Variants in MORC1 observed in about 807,000 individuals in gnomAD.
MORC1 encodes MORC family CW-type zinc finger protein 1.
Under a neutral mutation model 134.9 loss-of-function variants are expected in MORC1, and 59 were observed. The observed-to-expected ratio is 0.44, with a 90% confidence interval of 0.35 to 0.54. The LOEUF (loss-of-function observed/expected upper bound fraction) is 0.54, where lower values mean the gene tolerates loss of function less well. Among genes scored for constraint, MORC1 ranks in the 20% least tolerant of loss-of-function variants. MORC1 has a pLI of 0.00. For missense variants in MORC1, 947 were observed against 1,134.5 expected (o/e 0.83, Z 2.37); for synonymous variants, 395 against 391.7 (o/e 1.01, Z -0.10).
At chr3:109,060,324 T>C (rs527538387) in intron 11 of MORC1, among the ~76,000 whole-genome samples, 1 of 152,000 alleles carries the variant, frequency 6.6e-6, no homozygotes, top group Non-Finnish European at 1.5e-5. Flanking sequence ...CTCCTTCATA[T>C]CGAATTCTGG....
rs546210454 is a variant in MORC1 at position 109,095,075 on chromosome 3, A to T, written c.424-7T>A. The T allele has an allele frequency of 9.7e-6, 15 of 1,550,428 alleles. 1 individual carries two copies. Among genetic ancestry groups the T allele is most frequent in the South Asian group, 6.4e-5 (5 of 78,334 alleles). ...AGGGCATTGGAACTACAACCTATTT[A>T]AAAAAAAACACATCAATTTACTATG... is the stretch of plus-strand genomic sequence containing the variant. On this transcript the variant is annotated splice_region_variant and splice_polypyrimidine_tract_variant and intron_variant, in intron 6 of 27. Coordinates refer to ENST00000232603, the MANE Select transcript of MORC1 (RefSeq NM_014429.4).
At chr3:109,103,477 C>T (rs1484613052) in intron 4 of MORC1, among the ~76,000 whole-genome samples, 1 of 152,194 alleles carries the variant, frequency 6.6e-6, no homozygotes, top group African/African-American at 2.4e-5. Context: ...AGCCTACAGG[C>T]ACAGGAAACT....
At chr3:109,071,472 G>A (rs1226288531) in intron 8 of MORC1, among the ~76,000 whole-genome samples, 1 of 152,078 alleles carries the variant, frequency 6.6e-6, no homozygotes, top group Non-Finnish European at 1.5e-5. Flanking sequence ...CCCTATGTTA[G>A]GAGATTCACT....
intron 17 of MORC1, among the ~76,000 whole-genome samples, chr3:109,017,530 T>C (rs545145482): frequency 1.3e-5 from 2 of 152,338 alleles, no homozygotes; most frequent in South Asian, 2.1e-4. Context: ...TTTCCACTAA[T>C]AGATACATTT....
At chr3:109,067,615 C>G (rs769836442) in intron 9 of MORC1, among the ~76,000 whole-genome samples, 2 of 152,058 alleles carry the variant, frequency 1.3e-5, no homozygotes, top group Non-Finnish European at 2.9e-5. Flanking sequence ...GTGAAAAGAT[C>G]GGCTATATTG....
intron 8 of MORC1, among the ~76,000 whole-genome samples, chr3:109,078,069 T>C (rs1950456358): frequency 6.6e-6 from 1 of 151,944 alleles, no homozygotes; most frequent in African/African-American, 2.4e-5. Flanking sequence ...ATCTAATGAC[T>C]CAGACAAATA....
chr3:109,003,262 C>CATACAT (rs1553746786), intron 20 of MORC1, among the ~76,000 whole-genome samples: 3 of 149,540 alleles, frequency 2.0e-5, no homozygotes, highest in African/African-American at 7.4e-5. Context: ...TAAAATTATA[C>CATACAT]ATATATATAT....
intron 14 of MORC1, among the ~76,000 whole-genome samples, chr3:109,038,283 TG>T (rs1006677499): frequency 2.6e-4 from 19 of 73,302 alleles, no homozygotes; most frequent in African/African-American, 4.5e-4. Context: ...CACTTGTTGA[TG>T]GGGTTTTTTT....
intron 14 of MORC1, among the ~76,000 whole-genome samples, chr3:109,043,469 A>T (rs1949609461): frequency 6.6e-6 from 1 of 152,136 alleles, no homozygotes; most frequent in Admixed American, 6.5e-5. Flanking sequence ...AGATGAAAAG[A>T]GTTTTAGAGA....
At chr3:109,077,211 G>A (rs1366376502) in intron 8 of MORC1, among the ~76,000 whole-genome samples, 1 of 152,078 alleles carries the variant, frequency 6.6e-6, no homozygotes, top group Non-Finnish European at 1.5e-5. Context: ...GAGATACAAA[G>A]CTTCCAACAG....
chr3:109,040,391 A>AGAAGGAAGGAAGG, intron 14 of MORC1, among the ~76,000 whole-genome samples: 1 of 75,744 alleles, frequency 1.3e-5, no homozygotes, highest in East Asian at 3.3e-4. Context: ...AGAAAGAAAG[A>AGAAGGAAGGAAGG]AAGAAAGAAA....
chr3:109,115,360 G>C (rs35224071), intron 1 of MORC1, among the ~76,000 whole-genome samples: 2,736 of 130,216 alleles, frequency 0.021, 29 homozygotes, highest in Middle Eastern at 0.045. Flanking sequence ...CACACACACA[G>C]AGAGAGAGAA....
At chr3:109,111,124 A>C (rs570881617) in intron 2 of MORC1, among the ~76,000 whole-genome samples, 1 of 151,646 alleles carries the variant, frequency 6.6e-6, no homozygotes, top group South Asian at 2.1e-4. Flanking sequence ...TTCATATTTT[A>C]GTTCAAAAAA....
chr3:109,010,113 G>A (rs910817198), intron 17 of MORC1, among the ~76,000 whole-genome samples: 8 of 152,166 alleles, frequency 5.3e-5, no homozygotes, highest in African/African-American at 1.7e-4. Flanking sequence ...TACAGTCTCT[G>A]TTGTGTATTC....
At chr3:109,117,932 A>C in intron 1 of MORC1, 63 bp downstream of exon 1, 1 of 1,404,624 alleles carries the variant, frequency 7.1e-7, no homozygotes, top group Admixed American at 1.9e-5. Context: ...GGGGACGGGC[A>C]AAACCTTTCT....
intron 19 of MORC1, 28 bp from the exon 20 acceptor site, chr3:109,004,916 A>T: frequency 6.2e-7 from 1 of 1,601,624 alleles, no homozygotes; most frequent in Non-Finnish European, 8.5e-7. Flanking sequence ...ACAGAAAAAA[A>T]AATTAGAAAT....
chr3:109,043,967 G>A (rs546880198), intron 14 of MORC1, among the ~76,000 whole-genome samples: 10 of 152,220 alleles, frequency 6.6e-5, no homozygotes, highest in Admixed American at 5.2e-4. Context: ...AAGATAGGTC[G>A]ATTAAAAAAT....
At chr3:109,036,066 G>C (rs990441687) in intron 14 of MORC1, among the ~76,000 whole-genome samples, 1 of 149,272 alleles carries the variant, frequency 6.7e-6, no homozygotes, top group African/African-American at 2.5e-5. Context: ...TATACTGTTA[G>C]GAATTATCCT....
chr3:109,099,217 T>C, intron 6 of MORC1, 141 bp downstream of exon 6: 1 of 597,126 alleles, frequency 1.7e-6, no homozygotes, highest in Non-Finnish European at 2.8e-6. Flanking sequence ...AATGTCTTGA[T>C]ACCTTCTCTC....
Sources: gnomAD v4.1 joint callset for allele counts (sites outside exome capture counted in the v4.1 genomes callset) on GRCh38, gnomAD v4.1.1 for gene constraint, MANE v1.5 for transcripts, NCBI Gene and HGNC (gene_info 2026-07-23, HGNC 2026-07-21) for gene names.